HACD1: variants seen among roughly 807,000 people sequenced by gnomAD.
HACD1 encodes 3-hydroxyacyl-CoA dehydratase 1.
A neutral mutation model predicts 32.0 loss-of-function variants in HACD1; 41 were observed. That is an observed-to-expected ratio of 1.28 (90% CI 1.00 to 1.66). The LOEUF (loss-of-function observed/expected upper bound fraction) is 1.66, where lower values mean the gene tolerates loss of function less well. Among genes scored for constraint, HACD1 ranks in the 40% most tolerant of loss-of-function variants. The pLI is 0.00. For synonymous variants in HACD1, 142 were observed against 139.0 expected (o/e 1.02, Z -0.15); for missense variants, 396 against 380.1 (o/e 1.04, Z -0.35).
At chr10:17,600,100 C>A (rs1554816363) in intron 4 of HACD1, among the ~76,000 whole-genome samples, 1 of 152,176 alleles carries the variant, frequency 6.6e-6, no homozygotes, top group African/African-American at 2.4e-5. Flanking sequence ...AACCCTTCTA[C>A]CTACTTCTCT....
At position 17,598,289 on chromosome 10, in the gene HACD1, A is replaced by C. The variant is rs957887039; in HGVS notation, c.605+1001T>G. 2.2e-4 allele frequency among the ~76,000 whole-genome samples: 33 copies of C among 151,522 alleles called. 1 individual carries two copies. Among genetic ancestry groups the C allele is most frequent in the East Asian group, 9.6e-4 (5 of 5,182 alleles). ...AAAAAAAAAAAAAAAAGAGAAAAAA[A>C]CCCATAAAACACAATTAACAGTGGT... On this transcript the variant is annotated intron_variant, in intron 5 of 6. Coordinates refer to ENST00000361271, the MANE Select transcript of HACD1 (RefSeq NM_014241.4).
intron 6 of HACD1, among the ~76,000 whole-genome samples, chr10:17,591,532 C>T (rs12780904): frequency 0.21 from 32,507 of 152,070 alleles, 4,067 homozygotes; most frequent in East Asian, 0.47. Context: ...TAAATACATA[C>T]GTTATTAGGT....
At chr10:17,595,696 C>T (rs1456945522) in intron 5 of HACD1, among the ~76,000 whole-genome samples, 1 of 151,778 alleles carries the variant, frequency 6.6e-6, no homozygotes, top group Non-Finnish European at 1.5e-5. Flanking sequence ...CCAAGATGAT[C>T]ATATTTCTTC....
chr10:17,612,365 A>G (rs1370804935), intron 1 of HACD1, among the ~76,000 whole-genome samples: 2 of 152,242 alleles, frequency 1.3e-5, no homozygotes, highest in Admixed American at 6.5e-5. Flanking sequence ...TATACAATAC[A>G]GCAGATATTA....
At chr10:17,615,667 A>T (rs1192445040) in intron 1 of HACD1, 1 of 190,250 alleles carries the variant, frequency 5.3e-6, no homozygotes, top group Non-Finnish European at 1.1e-5. Context: ...ATTTTTAAAA[A>T]ATTAAAATAA....
intron 1 of HACD1, among the ~76,000 whole-genome samples, chr10:17,610,826 G>C (rs1281691605): frequency 6.6e-6 from 1 of 152,030 alleles, no homozygotes; most frequent in African/African-American, 2.4e-5. Context: ...AGGTTAAGTA[G>C]CTTATCTGAG....
Position 17,617,278 on chromosome 10 carries a change from C to T in HACD1, c.62G>A (p.Gly21Glu). 8.2e-6 allele frequency: 12 copies of T among 1,463,398 alleles called. No homozygotes were observed. Among genetic ancestry groups the T allele is most frequent in the Non-Finnish European group, 1.1e-5 (12 of 1,113,870 alleles). The allele number at this position is 1,463,398 out of a possible 1,614,324, so 90.7% of individuals were successfully genotyped here. A position where few individuals can be genotyped will look rare whatever the true frequency, so the allele number is the denominator to read the frequency against. Residue 21 changes from glycine (G) to glutamate (E), a missense_variant, in exon 1 of 7, where the codon GGG (glycine) becomes GAG (glutamate). Coordinates refer to ENST00000361271, the MANE Select transcript of HACD1 (RefSeq NM_014241.4). ...CAGCGGCAGGAGCGTGGGAGGGGAC[C>T]CTGCCCAGCCTGCAGCCCGAGAGCC... is the stretch of plus-strand genomic sequence containing the variant. ...GSGSRAAGWA[G>E]SPPTLLPLSP...
chr10:17,604,809 G>A (rs889511331), intron 1 of HACD1, among the ~76,000 whole-genome samples: 7 of 152,176 alleles, frequency 4.6e-5, no homozygotes, highest in Non-Finnish European at 1.5e-5. Flanking sequence ...GGGCTCAAGC[G>A]ATCCTCCCAT....
chr10:17,612,613 G>C (rs1457761990), intron 1 of HACD1, among the ~76,000 whole-genome samples: 3 of 152,132 alleles, frequency 2.0e-5, no homozygotes, highest in Non-Finnish European at 4.4e-5. Flanking sequence ...TGAGAATGAA[G>C]TTTTGAGTAA....
At chr10:17,614,352 G>C (rs1308235122) in intron 1 of HACD1, among the ~76,000 whole-genome samples, 1 of 152,208 alleles carries the variant, frequency 6.6e-6, no homozygotes, top group South Asian at 2.1e-4. Flanking sequence ...AGCCTCCTGG[G>C]TTCAAGCGAT....
intron 4 of HACD1, among the ~76,000 whole-genome samples, chr10:17,600,951 C>G (rs1423535743): frequency 1.3e-5 from 2 of 152,124 alleles, no homozygotes; most frequent in Non-Finnish European, 2.9e-5. Flanking sequence ...AGATGAGGTG[C>G]ATGATTAGCA....
intron 4 of HACD1, 148 bp downstream of exon 4, chr10:17,603,412 G>T: frequency 1.5e-6 from 1 of 673,208 alleles, no homozygotes; most frequent in Non-Finnish European, 2.5e-6. Context: ...AAGGCACTAA[G>T]TCAATGCACA....
intron 1 of HACD1, among the ~76,000 whole-genome samples, chr10:17,614,894 AGGCGCCCGCCAT>A (rs1420479021): frequency 2.0e-4 from 30 of 151,788 alleles, no homozygotes; most frequent in African/African-American, 7.3e-4. Context: ...CTGGGACTAT[AGGCGCCCGCCAT>A]GGCGCCCGGC....
chr10:17,604,186 T>G (rs1834111811), intron 1 of HACD1, 139 bp from the exon 2 acceptor site: 1 of 635,104 alleles, frequency 1.6e-6, no homozygotes, highest in Non-Finnish European at 2.7e-6. Context: ...AATGGATACT[T>G]GAAATGTGGT....
At chr10:17,591,976 A>AATTTTTTTTTTTTTTTTT (rs1833933560) in intron 6 of HACD1, among the ~76,000 whole-genome samples, 1 of 96,942 alleles carries the variant, frequency 1.0e-5, no homozygotes, top group African/African-American at 4.5e-5. Flanking sequence ...CCAGCTACTG[A>AATTTTTTTTTTTTTTTTT]TTTTTTTTTT....
chr10:17,612,083 G>A (rs1259986268), intron 1 of HACD1, among the ~76,000 whole-genome samples: 1 of 127,204 alleles, frequency 7.9e-6, no homozygotes, highest in Non-Finnish European at 1.6e-5. Flanking sequence ...GCCAGCCTAG[G>A]CAACAAAGCT....
At chr10:17,602,616 G>C (rs1351489043) in intron 4 of HACD1, among the ~76,000 whole-genome samples, 1 of 152,062 alleles carries the variant, frequency 6.6e-6, no homozygotes, top group Non-Finnish European at 1.5e-5. Context: ...ATTGTGAAAT[G>C]GCTAAATCAA....
At chr10:17,608,948 C>T (rs1475183414) in intron 1 of HACD1, among the ~76,000 whole-genome samples, 4 of 152,036 alleles carry the variant, frequency 2.6e-5, no homozygotes, top group African/African-American at 4.8e-5. Flanking sequence ...AAAAAACAAA[C>T]GCTTGAGAAA....
chr10:17,600,526 G>A (rs1294464528), intron 4 of HACD1, among the ~76,000 whole-genome samples: 2 of 151,978 alleles, frequency 1.3e-5, no homozygotes, highest in East Asian at 3.9e-4. Context: ...GGGTTTCACC[G>A]TGTTGGCCAG....
Sources: allele counts gnomAD v4.1 joint callset (sites outside exome capture counted in the v4.1 genomes callset), GRCh38; gene constraint gnomAD v4.1.1; transcripts MANE v1.5; gene names NCBI Gene and HGNC (gene_info 2026-07-23, HGNC 2026-07-21).